FER: variants seen among roughly 807,000 people sequenced by gnomAD.
The protein encoded by FER is FER tyrosine kinase.
In FER, 63 loss-of-function variants were observed where a neutral mutation model predicts 111.0. The observed-to-expected ratio is 0.57, with a 90% CI of 0.46 to 0.70. FER has a LOEUF of 0.70. Ranked by LOEUF, FER falls within the 30% of genes least tolerant of loss-of-function variation. FER has a pLI of 0.00. For missense variants in FER, 914 were observed against 954.0 expected, an observed-to-expected ratio of 0.96 and a Z score of 0.55; for synonymous variants, 327 against 313.9, an observed-to-expected ratio of 1.04 and a Z score of -0.44.
intron 13 of FER, among the ~76,000 whole-genome samples, chr5:108,981,799 T>C (rs1762038853): frequency 6.6e-6 from 1 of 152,118 alleles, no homozygotes; most frequent in African/African-American, 2.4e-5. Context: ...AGAGCTTGGA[T>C]TCCAACCCAG....
chr5:108,827,095 G>A (rs963880763), intron 3 of FER, among the ~76,000 whole-genome samples: 21 of 152,300 alleles, frequency 1.4e-4, no homozygotes, highest in Non-Finnish European at 2.5e-4. Context: ...TGACAACCAT[G>A]GACTCCATGG....
chr5:108,929,419 T>C (rs1210625624), intron 10 of FER, among the ~76,000 whole-genome samples: 1 of 152,178 alleles, frequency 6.6e-6, no homozygotes, highest in Non-Finnish European at 1.5e-5. Context: ...TCACCAGATG[T>C]TGCTAGCTGG....
intron 13 of FER, among the ~76,000 whole-genome samples, chr5:109,002,721 C>T (rs1764958877): frequency 6.6e-6 from 1 of 152,136 alleles, no homozygotes; most frequent in Admixed American, 6.5e-5. Flanking sequence ...ACAACCTACT[C>T]ATCTGACAAA....
intron 17 of FER, among the ~76,000 whole-genome samples, chr5:109,165,190 T>C (rs1756402678): frequency 6.6e-6 from 1 of 152,188 alleles, no homozygotes; most frequent in African/African-American, 2.4e-5. Flanking sequence ...ATAAATTGTT[T>C]ATGGAAACAA....
At chr5:108,839,387 A>G (rs370722288) in intron 5 of FER, among the ~76,000 whole-genome samples, 1 of 152,244 alleles carries the variant, frequency 6.6e-6, no homozygotes, top group South Asian at 2.1e-4. Flanking sequence ...AGGTAGGAAG[A>G]GAAGATTTTG....
chr5:109,015,845 C>A (rs1053590598), intron 13 of FER, among the ~76,000 whole-genome samples: 1 of 151,926 alleles, frequency 6.6e-6, no homozygotes, highest in Non-Finnish European at 1.5e-5. Context: ...TTGTCAGCAT[C>A]GTGTGCCTTT....
At chr5:108,912,891 G>T (rs942429293) in intron 10 of FER, among the ~76,000 whole-genome samples, 3 of 152,164 alleles carry the variant, frequency 2.0e-5, no homozygotes, top group African/African-American at 4.8e-5. Flanking sequence ...ATTCTGACTG[G>T]TAAGTTCCAA....
chr5:108,954,676 AAAT>A, intron 11 of FER, 50 bp from the exon 12 acceptor site: 1 of 1,308,562 alleles, frequency 7.6e-7, no homozygotes, highest in Non-Finnish European at 1.0e-6. Context: ...TTTTATTAGA[AAAT>A]AATCAGTATT....
chr5:108,847,032 T>C (rs1762095158), intron 5 of FER, among the ~76,000 whole-genome samples: 1 of 151,680 alleles, frequency 6.6e-6, no homozygotes, highest in African/African-American at 2.4e-5. Flanking sequence ...TTTCCTTCCT[T>C]CTGCTTGCTT....
intron 10 of FER, among the ~76,000 whole-genome samples, chr5:108,943,636 A>G (rs563945056): frequency 1.3e-5 from 2 of 152,254 alleles, no homozygotes; most frequent in Non-Finnish European, 2.9e-5. Flanking sequence ...TTTTCACTGC[A>G]ATTTTCTAAT....
chr5:108,787,067 G>A lies in FER; in HGVS notation c.-59-11057G>A, dbSNP rs553255789. On this transcript the variant is annotated intron_variant, in intron 2 of 19. Coordinates refer to ENST00000281092, the MANE Select transcript of FER (RefSeq NM_005246.4). ...GAACAGGCGGGAGCTTTGTGCTCCT[G>A]GGTGCAGCTGCAGCTGCCCAGCTGC... Among the ~76,000 whole-genome samples the A allele has an allele frequency of 1.6e-4, 25 of 152,118 alleles. 1 individual carries two copies. In the South Asian group the frequency reaches 5.0e-3, roughly 30 times the overall value.
intron 13 of FER, among the ~76,000 whole-genome samples, chr5:108,971,977 C>G (rs1286252244): frequency 2.6e-5 from 4 of 151,680 alleles, no homozygotes; most frequent in Non-Finnish European, 5.9e-5. Flanking sequence ...AGGCTTTGCA[C>G]TTTTGAAAAT....
rs1561953898 is a variant in FER, at chr5:109,146,261, TA to T, written c.2049-34485del. 6.2e-4 allele frequency among the ~76,000 whole-genome samples: 55 copies of T among 88,662 alleles called. 3 individuals are homozygous for T. Among genetic ancestry groups the T allele is most frequent in the African/African-American group, 2.3e-3 (50 of 21,400 alleles). 58.2% of individuals were successfully genotyped at this position (88,662 alleles called of 152,430 possible). Reference sequence around the variant, plus strand: ...ATATATATAATCTATCTAATATATATATATATATATATATATATATATATAT... The same window carrying T: ...ATATATATAATCTATCTAATATATATTATATATATATATATATATATATAT... On this transcript the variant is annotated intron_variant, in intron 17 of 19. Transcript: ENST00000281092.
intron 16 of FER, among the ~76,000 whole-genome samples, chr5:109,065,970 G>C (rs981560152): frequency 1.3e-5 from 2 of 152,158 alleles, no homozygotes; most frequent in African/African-American, 4.8e-5. Flanking sequence ...GATCACATTT[G>C]ATAATATCCG....
At chr5:108,816,078 AAC>A (rs1396676721) in intron 3 of FER, among the ~76,000 whole-genome samples, 6 of 151,932 alleles carry the variant, frequency 3.9e-5, no homozygotes, top group African/African-American at 1.4e-4. Flanking sequence ...CGCCCCCCCA[AAC>A]ACACACACAC....
intron 1 of FER, among the ~76,000 whole-genome samples, chr5:108,755,114 T>A (rs1750937328): frequency 6.6e-6 from 1 of 152,222 alleles, no homozygotes; most frequent in South Asian, 2.1e-4. Flanking sequence ...TCATTAAAGC[T>A]ATTAATTTTT....
At chr5:108,858,202 C>T (rs1288992518) in intron 5 of FER, among the ~76,000 whole-genome samples, 2 of 152,126 alleles carry the variant, frequency 1.3e-5, no homozygotes, top group Non-Finnish European at 2.9e-5. Flanking sequence ...GTTTATTCCT[C>T]CTCTTCCTAT....
chr5:108,760,713 C>T (rs1561377320), intron 1 of FER, among the ~76,000 whole-genome samples: 1 of 152,116 alleles, frequency 6.6e-6, no homozygotes, highest in Non-Finnish European at 1.5e-5. Flanking sequence ...GAGTTAAGGC[C>T]TTGTTCTGGG....
intron 17 of FER, chr5:109,177,753 A>C (rs1194747200): frequency 2.6e-5 from 4 of 152,248 alleles, no homozygotes; most frequent in Admixed American, 2.6e-4. Context: ...CGGCAGACAT[A>C]AATGGAACAT....
Sources: gnomAD v4.1 joint callset for allele counts (sites outside exome capture counted in the v4.1 genomes callset) on GRCh38, gnomAD v4.1.1 for gene constraint, MANE v1.5 for transcripts, NCBI Gene and HGNC (gene_info 2026-07-23, HGNC 2026-07-21) for gene names.